Variants in PCDH11X observed in about 807,000 individuals in gnomAD.
PCDH11X encodes the protein protocadherin 11 X-linked.
A neutral mutation model predicts 53.3 loss-of-function variants in PCDH11X; 18 were observed. That is an observed-to-expected ratio of 0.34 (90% CI 0.23 to 0.50). PCDH11X has a LOEUF of 0.50. PCDH11X is among the 20% of genes least tolerant of loss of function. The probability of loss-of-function intolerance (pLI) is 0.98; values close to 1 mark genes in which losing one functional copy is unlikely to be tolerated. For missense variants in PCDH11X, 570 were observed against 1,032.4 expected (o/e 0.55, Z 6.14); for synonymous variants, 279 against 393.3 (o/e 0.71, Z 3.44).
intron 10 of PCDH11X, among the ~76,000 whole-genome samples, chrX:92,591,082 G>C (rs1180378537): frequency 8.9e-6 from 1 of 111,875 alleles, no homozygotes; most frequent in Non-Finnish European, 1.9e-5. Context: ...TGACAGCTGG[G>C]ATGGAAAATG....
At chrX:92,066,665 T>C (rs1219048660) in intron 6 of PCDH11X, among the ~76,000 whole-genome samples, 3 of 112,390 alleles carry the variant, frequency 2.7e-5, no homozygotes, top group African/African-American at 9.7e-5. Context: ...GAAATACTTC[T>C]GATTTTTTTG....
intron 6 of PCDH11X, among the ~76,000 whole-genome samples, chrX:91,912,218 C>A: frequency 9.0e-6 from 1 of 111,409 alleles, no homozygotes; most frequent in African/African-American, 3.3e-5. Flanking sequence ...ATACCATCTG[C>A]AAACAGGGAT....
intron 10 of PCDH11X, among the ~76,000 whole-genome samples, chrX:92,571,907 A>G (rs1385627581): frequency 1.8e-5 from 2 of 112,312 alleles, no homozygotes; most frequent in Non-Finnish European, 3.8e-5. Flanking sequence ...GGTTGGTTAA[A>G]TAGAATATTT....
chrX:92,256,242 A>T (rs2067581121), intron 7 of PCDH11X, among the ~76,000 whole-genome samples: 1 of 111,665 alleles, frequency 9.0e-6, no homozygotes, highest in African/African-American at 3.3e-5. Flanking sequence ...TGATTAGGAA[A>T]GGGAACTCCC....
intron 6 of PCDH11X, among the ~76,000 whole-genome samples, chrX:92,135,339 A>C (rs1262236531): frequency 9.0e-6 from 1 of 111,602 alleles, no homozygotes; most frequent in African/African-American, 3.3e-5. Context: ...ATTTTGTCAC[A>C]ATGATAGTGT....
intron 6 of PCDH11X, among the ~76,000 whole-genome samples, chrX:92,148,033 C>T (rs1188096700): frequency 3.4e-4 from 20 of 58,974 alleles, no homozygotes; most frequent in African/African-American, 1.4e-3. Context: ...CCTTCCTTTC[C>T]TTCTTTCCCT....
intron 6 of PCDH11X, among the ~76,000 whole-genome samples, chrX:92,163,298 C>G (rs1469003539): frequency 2.7e-5 from 3 of 109,579 alleles, no homozygotes; most frequent in African/African-American, 1.0e-4. Context: ...TTTTGCGCCT[C>G]CCCACCTGTC....
chrX:92,449,688 C>T (rs1387454610), intron 9 of PCDH11X, among the ~76,000 whole-genome samples: 2 of 110,654 alleles, frequency 1.8e-5, no homozygotes, highest in Admixed American at 1.9e-4. Flanking sequence ...TGCGCTTTGC[C>T]CATTCTGCCA....
chrX:92,525,382 G>A (rs2074431593), intron 10 of PCDH11X, among the ~76,000 whole-genome samples: 1 of 111,362 alleles, frequency 9.0e-6, no homozygotes, highest in African/African-American at 3.3e-5. Context: ...TGTAATCCCA[G>A]CACTTTGGGA....
chrX:92,464,360 C>T (rs1290970075), intron 9 of PCDH11X, among the ~76,000 whole-genome samples: 2 of 110,540 alleles, frequency 1.8e-5, no homozygotes, highest in African/African-American at 6.6e-5. Context: ...ACAGTTACCC[C>T]CATACTGTTC....
At chrX:91,960,779 T>C (rs756916273) in intron 6 of PCDH11X, among the ~76,000 whole-genome samples, 13 of 111,158 alleles carry the variant, frequency 1.2e-4, no homozygotes, top group African/African-American at 3.9e-4. Context: ...GTAAGTGGTG[T>C]AGGGGTGCAC....
At chrX:91,828,405 A>C (rs765071630) in intron 4 of PCDH11X, among the ~76,000 whole-genome samples, 1 of 110,149 alleles carries the variant, frequency 9.1e-6, no homozygotes, top group African/African-American at 3.3e-5. Flanking sequence ...CATTTTTTCT[A>C]CTCTAAGTGT....
chrX:92,424,184 GT>G (rs10542503), intron 9 of PCDH11X, among the ~76,000 whole-genome samples: 1,837 of 76,298 alleles, frequency 0.024, 120 homozygotes, highest in African/African-American at 0.05. Flanking sequence ...ATTGGCAAAT[GT>G]TTTTTTTTTT....
intron 5 of PCDH11X, among the ~76,000 whole-genome samples, chrX:91,867,944 TC>T (rs1390303171): frequency 4.5e-5 from 5 of 111,790 alleles, no homozygotes; most frequent in Non-Finnish European, 9.4e-5. Context: ...TTGCTGCCTC[TC>T]CCATGCCATC....
intron 6 of PCDH11X, among the ~76,000 whole-genome samples, chrX:91,950,544 GTATATATATA>G (rs377503795): frequency 1.1e-5 from 1 of 91,433 alleles, no homozygotes; most frequent in East Asian, 3.3e-4. Flanking sequence ...TATCAATGTG[GTATATATATA>G]TATATAAATG....
At chrX:92,384,069 A>G (rs2070956923) in intron 8 of PCDH11X, among the ~76,000 whole-genome samples, 1 of 112,196 alleles carries the variant, frequency 8.9e-6, no homozygotes, top group Admixed American at 9.4e-5. Flanking sequence ...CATTTCTCTA[A>G]CGACCATTGA....
intron 9 of PCDH11X, among the ~76,000 whole-genome samples, chrX:92,418,265 T>A (rs1463573501): frequency 9.0e-6 from 1 of 110,660 alleles, no homozygotes; most frequent in African/African-American, 3.3e-5. Context: ...ATAAAGCAAA[T>A]TTTTTTATTA....
chrX:92,497,521 A>G (rs1342550489), intron 10 of PCDH11X, among the ~76,000 whole-genome samples: 1 of 110,032 alleles, frequency 9.1e-6, no homozygotes, highest in Non-Finnish European at 1.9e-5. Flanking sequence ...TGCTTGGCAC[A>G]TGCAATCAAT....
At chrX:92,569,148 G>A (rs2148771490) in intron 10 of PCDH11X, among the ~76,000 whole-genome samples, 1 of 108,761 alleles carries the variant, frequency 9.2e-6, no homozygotes, top group Admixed American at 9.9e-5. Flanking sequence ...GAGTGAAAGA[G>A]TACAAAATTT....
Sources: gnomAD v4.1 joint callset for allele counts (sites outside exome capture counted in the v4.1 genomes callset) on GRCh38, gnomAD v4.1.1 for gene constraint, MANE v1.5 for transcripts, NCBI Gene and HGNC (gene_info 2026-07-23, HGNC 2026-07-21) for gene names.